HPSE2: variants seen among roughly 807,000 people sequenced by gnomAD.
The protein encoded by HPSE2 is inactive heparanase-2.
HPSE2 carries 38 observed loss-of-function variants against 60.5 expected under a neutral mutation model. The observed-to-expected ratio is 0.63, with a 90% CI of 0.48 to 0.82. HPSE2 has a LOEUF of 0.82. Among genes scored for constraint, HPSE2 ranks in the 40% least tolerant of loss-of-function variants. The pLI, the probability that HPSE2 is intolerant of heterozygous loss-of-function variation, is 0.00. For synonymous variants in HPSE2, 295 were observed against 293.2 expected (o/e 1.01, Z -0.06); for missense variants, 713 against 740.4 (o/e 0.96, Z 0.43).
Position 99,153,181 on chromosome 10 carries a change from G to A in HPSE2, c.449-8782C>T, listed in dbSNP as rs1326476294. The stretch of plus-strand genomic sequence containing the variant: ...GCAGCAGCGAGGCTGGGGGAGGGGC[G>A]CCCGCCATTGCCCAGGCTTGCTTAG... On this transcript the variant is annotated intron_variant, in intron 2 of 11. Coordinates refer to ENST00000370552, the MANE Select transcript of HPSE2 (RefSeq NM_021828.5). Among the ~76,000 whole-genome samples, 26 of 151,940 alleles carry A rather than the reference G, an allele frequency of 1.7e-4. No individual in the cohort carries two copies. In the East Asian group the frequency reaches 2.7e-3, roughly 16 times the overall value.
chr10:98,624,666 T>G (rs913980039), intron 7 of HPSE2, among the ~76,000 whole-genome samples: 4 of 152,176 alleles, frequency 2.6e-5, no homozygotes, highest in African/African-American at 9.7e-5. Context: ...TGATAAAAAC[T>G]GTAAAATGAT....
chr10:98,560,105 G>C (rs1944128960), intron 9 of HPSE2, among the ~76,000 whole-genome samples: 1 of 152,098 alleles, frequency 6.6e-6, no homozygotes, highest in Admixed American at 6.6e-5. Flanking sequence ...ATAGAGTGCA[G>C]AGCCAGGAGT....
At chr10:98,997,257 C>T (rs1956668309) in intron 3 of HPSE2, among the ~76,000 whole-genome samples, 1 of 151,806 alleles carries the variant, frequency 6.6e-6, no homozygotes. Context: ...GGACTACAGG[C>T]ATATGCCACC....
chr10:98,916,839 C>T (rs1330933227), intron 3 of HPSE2, among the ~76,000 whole-genome samples: 1 of 152,172 alleles, frequency 6.6e-6, no homozygotes, highest in African/African-American at 2.4e-5. Flanking sequence ...CAGTCCCTTC[C>T]TCTGAATTTC....
At chr10:99,293,471 G>T in the HPSE2 span, among the ~76,000 whole-genome samples, 1 of 152,148 alleles carries the variant, frequency 6.6e-6, no homozygotes, top group African/African-American at 2.4e-5. Flanking sequence ...CACTTAAAAT[G>T]CATTTTTAAA....
At chr10:99,006,401 G>C (rs1956894179) in intron 3 of HPSE2, among the ~76,000 whole-genome samples, 1 of 152,200 alleles carries the variant, frequency 6.6e-6, no homozygotes, top group African/African-American at 2.4e-5. Flanking sequence ...AGCAGGCCCA[G>C]AGCCTATATC....
At chr10:99,080,886 G>A (rs930846789) in intron 3 of HPSE2, among the ~76,000 whole-genome samples, 23 of 151,980 alleles carry the variant, frequency 1.5e-4, no homozygotes, top group Non-Finnish European at 2.6e-4. Flanking sequence ...CAGTTTATTT[G>A]GAATAAGTAC....
chr10:99,235,983 C>G, upstream of HPSE2: 2 of 441,918 alleles, frequency 4.5e-6, no homozygotes, highest in Non-Finnish European at 3.9e-6. Flanking sequence ...CGCTCGCTCG[C>G]TCGTTTTGTT....
intron 2 of HPSE2, among the ~76,000 whole-genome samples, chr10:99,198,636 A>C (rs1049140658): frequency 6.6e-6 from 1 of 152,224 alleles, no homozygotes; most frequent in African/African-American, 2.4e-5. Context: ...TAATATGTAC[A>C]TATAATAAAC....
rs192610750 is a variant in HPSE2 at position 98,538,700 on chromosome 10, C to T, written c.1321-48504G>A. On this transcript the variant is annotated intron_variant, in intron 9 of 11. Coordinates refer to ENST00000370552, the MANE Select transcript of HPSE2 (RefSeq NM_021828.5). ...TCCCCAGATGATTCTAAATGTGTAG[C>T]CAAGCTTGAGAACAACTGACCTAGA... Among the ~76,000 whole-genome samples, 19 of 152,018 alleles carry T rather than the reference C, an allele frequency of 1.2e-4. 1 individual carries two copies. The highest frequency in any genetic ancestry group is 9.8e-4 in the Admixed American group (15 of 15,270).
At chr10:98,656,100 T>A (rs986097968) in intron 6 of HPSE2, among the ~76,000 whole-genome samples, 30 of 151,740 alleles carry the variant, frequency 2.0e-4, no homozygotes, top group African/African-American at 6.8e-4. Flanking sequence ...TTTTTTTTTT[T>A]AATTGAGACA....
rs1181114991 is a variant in HPSE2 at position 99,229,132 on chromosome 10, C to T, written c.448+3216G>A. On this transcript the variant is annotated intron_variant, in intron 2 of 11. Coordinates refer to ENST00000370552, the MANE Select transcript of HPSE2 (RefSeq NM_021828.5). ...GAGATTGCAGTAAATCAAGATAATG[C>T]CACTGCCCTCTAGCCTGGGCAAAAG... Among the ~76,000 whole-genome samples, 4 of 151,830 alleles carry T rather than the reference C, an allele frequency of 2.6e-5. No homozygotes were observed. The South Asian group carries it at 8.3e-4, about 32-fold the overall frequency.
At chr10:98,842,321 A>G (rs1202392086) in intron 3 of HPSE2, among the ~76,000 whole-genome samples, 3 of 152,136 alleles carry the variant, frequency 2.0e-5, no homozygotes, top group African/African-American at 7.2e-5. Context: ...TGCTTTACCT[A>G]GTAGTGACAA....
intron 5 of HPSE2, among the ~76,000 whole-genome samples, chr10:98,713,894 T>C (rs2152652): frequency 0.18 from 28,005 of 151,802 alleles, 3,000 homozygotes; most frequent in East Asian, 0.38. Flanking sequence ...GTTTAGACAA[T>C]ATTTTCTGAA....
chr10:99,052,653 C>T (rs1351858270), intron 3 of HPSE2, among the ~76,000 whole-genome samples: 1 of 151,974 alleles, frequency 6.6e-6, no homozygotes, highest in Non-Finnish European at 1.5e-5. Flanking sequence ...ATAAGAAAAT[C>T]TTGACAGCAG....
chr10:98,902,590 G>A (rs1953696940), intron 3 of HPSE2, among the ~76,000 whole-genome samples: 1 of 152,076 alleles, frequency 6.6e-6, no homozygotes, highest in Non-Finnish European at 1.5e-5. Flanking sequence ...TAAAATGGGA[G>A]GGTGTTGTCT....
At chr10:98,937,816 C>T (rs1451069824) in intron 3 of HPSE2, among the ~76,000 whole-genome samples, 3 of 143,202 alleles carry the variant, frequency 2.1e-5, no homozygotes, top group East Asian at 4.0e-4. Flanking sequence ...GACCCCCAAG[C>T]AGCCTAACTG....
intron 9 of HPSE2, among the ~76,000 whole-genome samples, chr10:98,547,811 T>TA (rs542179876): frequency 4.0e-5 from 6 of 150,382 alleles, no homozygotes; most frequent in Non-Finnish European, 8.9e-5. Context: ...ATAATAATAA[T>TA]AAAAAAAAGA....
intron 3 of HPSE2, among the ~76,000 whole-genome samples, chr10:98,911,904 A>T (rs1953989439): frequency 6.6e-6 from 1 of 152,192 alleles, no homozygotes; most frequent in Admixed American, 6.5e-5. Flanking sequence ...GTCACAAGTT[A>T]TTTGACCTTG....
Sources: gnomAD v4.1 joint callset for allele counts (sites outside exome capture counted in the v4.1 genomes callset) on GRCh38, gnomAD v4.1.1 for gene constraint, MANE v1.5 for transcripts, NCBI Gene and HGNC (gene_info 2026-07-23, HGNC 2026-07-21) for gene names.